Variants in DPH6 observed in about 807,000 individuals in gnomAD.
The protein encoded by DPH6 is diphthine--ammonia ligase.
DPH6 carries 33 observed loss-of-function variants against 38.2 expected under a neutral mutation model. That is an observed-to-expected ratio of 0.86 (90% CI 0.65 to 1.15). The LOEUF (loss-of-function observed/expected upper bound fraction) is 1.15, where lower values mean the gene tolerates loss of function less well. Among genes scored for constraint, DPH6 ranks in the 50% most tolerant of loss-of-function variants. The pLI is 0.00. For synonymous variants in DPH6, 108 were observed against 103.0 expected (o/e 1.05, Z -0.30); for missense variants, 325 against 320.0 (o/e 1.02, Z -0.12).
At chr15:35,292,356 G>T (rs2051985678) in intron 3 of DPH6, among the ~76,000 whole-genome samples, 1 of 152,074 alleles carries the variant, frequency 6.6e-6, no homozygotes, top group African/African-American at 2.4e-5. Context: ...GGATTCAGTA[G>T]ATCAATGATC....
At chr15:35,247,824 TAAG>T (rs934556186) in intron 3 of DPH6, among the ~76,000 whole-genome samples, 1 of 152,114 alleles carries the variant, frequency 6.6e-6, no homozygotes, top group Non-Finnish European at 1.5e-5. Flanking sequence ...ACCGTCAAAA[TAAG>T]AAAGAAAAAT....
chr15:35,231,865 T>A (rs2051520389), intron 3 of DPH6, among the ~76,000 whole-genome samples: 1 of 152,010 alleles, frequency 6.6e-6, no homozygotes, highest in Non-Finnish European at 1.5e-5. Context: ...AACAATTCAA[T>A]CTCATGATCT....
At chr15:35,463,306 T>C (rs922244029) in intron 3 of DPH6, among the ~76,000 whole-genome samples, 1 of 152,160 alleles carries the variant, frequency 6.6e-6, no homozygotes, top group Admixed American at 6.5e-5. Context: ...ATGTTTATTC[T>C]CATAGTCCCA....
chr15:35,397,868 T>TATACACACACACAC (rs752473433), intron 6 of DPH6, among the ~76,000 whole-genome samples: 8 of 87,308 alleles, frequency 9.2e-5, no homozygotes, highest in Middle Eastern at 6.0e-3. Flanking sequence ...TTTATATATA[T>TATACACACACACAC]ACACACACAC....
chr15:35,478,582 T>C (rs1353397716), intron 3 of DPH6, among the ~76,000 whole-genome samples: 2 of 152,106 alleles, frequency 1.3e-5, no homozygotes, highest in East Asian at 3.9e-4. Context: ...ATGAATTCAA[T>C]ATCATTAATC....
At chr15:35,259,840 T>C (rs1008451374) in intron 3 of DPH6, among the ~76,000 whole-genome samples, 1 of 152,212 alleles carries the variant, frequency 6.6e-6, no homozygotes, top group Non-Finnish European at 1.5e-5. Flanking sequence ...CCGTAATATG[T>C]TGAACACGAC....
Position 35,381,928 on chromosome 15 carries a change from A to C in DPH6, c.568-12T>G. ...TACTTCTTAGAAAGCTGAAAATAGG[A>C]AAACACAAAAAACAAGAAAGAAGTT... On this transcript the variant is annotated splice_polypyrimidine_tract_variant and intron_variant, in intron 6 of 8. Coordinates refer to ENST00000256538, the MANE Select transcript of DPH6 (RefSeq NM_080650.4). 1 of 1,582,108 alleles carries C rather than the reference A, an allele frequency of 6.3e-7. No individual in the cohort carries two copies. The highest frequency in any genetic ancestry group is 8.7e-7 in the Non-Finnish European group (1 of 1,155,938).
the DPH6 span, among the ~76,000 whole-genome samples, chr15:35,184,326 G>T: frequency 6.6e-6 from 1 of 152,124 alleles, no homozygotes; most frequent in African/African-American, 2.4e-5. Context: ...GAAAGAAAAA[G>T]AAACTCCTTA....
chr15:35,234,923 A>C (rs1296861000), intron 3 of DPH6, among the ~76,000 whole-genome samples: 2 of 152,242 alleles, frequency 1.3e-5, no homozygotes, highest in Non-Finnish European at 2.9e-5. Flanking sequence ...TAGAATTGAG[A>C]GATAAAATGT....
chr15:35,534,442 A>T (rs778171254), intron 3 of DPH6, among the ~76,000 whole-genome samples: 5 of 151,990 alleles, frequency 3.3e-5, no homozygotes, highest in Non-Finnish European at 7.4e-5. Flanking sequence ...AATGTTTAAA[A>T]TCTCTGTATT....
intron 5 of DPH6, among the ~76,000 whole-genome samples, chr15:35,438,092 A>C (rs1189964123): frequency 2.6e-5 from 4 of 152,236 alleles, no homozygotes; most frequent in Admixed American, 1.3e-4. Context: ...GCGCTGAGCT[A>C]AATTAAAAAT....
chr15:35,430,642 A>C (rs1269705049), intron 5 of DPH6, among the ~76,000 whole-genome samples: 1 of 152,162 alleles, frequency 6.6e-6, no homozygotes, highest in East Asian at 1.9e-4. Flanking sequence ...GGCTTTGTGC[A>C]ATAACCATTA....
chr15:35,493,941 T>C (rs1031378388), intron 3 of DPH6, among the ~76,000 whole-genome samples: 5 of 152,172 alleles, frequency 3.3e-5, no homozygotes, highest in African/African-American at 1.2e-4. Context: ...TAAAGACTTA[T>C]ATCCCAGCAC....
intron 3 of DPH6, among the ~76,000 whole-genome samples, chr15:35,343,180 T>C (rs897488363): frequency 1.3e-5 from 2 of 152,226 alleles, no homozygotes; most frequent in African/African-American, 4.8e-5. Context: ...AAATGTAAGA[T>C]ATCTTAACAA....
chr15:35,332,946 T>C (rs1293705950), intron 3 of DPH6, among the ~76,000 whole-genome samples: 1 of 152,088 alleles, frequency 6.6e-6, no homozygotes, highest in Admixed American at 6.6e-5. Context: ...AAGTTTCATT[T>C]CAGTCCTCTT....
At chr15:35,470,456 G>A (rs974293035) in intron 3 of DPH6, among the ~76,000 whole-genome samples, 2 of 152,030 alleles carry the variant, frequency 1.3e-5, no homozygotes, top group East Asian at 1.9e-4. Context: ...TGCTGTTGAC[G>A]GGAACTGAAC....
the DPH6 span, among the ~76,000 whole-genome samples, chr15:35,187,079 C>T: frequency 3.3e-5 from 5 of 152,158 alleles, no homozygotes; most frequent in Admixed American, 6.5e-5. Context: ...TGAAGTAAGA[C>T]CTGGGCTCAA....
chr15:35,373,250 T>A (rs1454935037), intron 8 of DPH6, among the ~76,000 whole-genome samples: 1 of 151,936 alleles, frequency 6.6e-6, no homozygotes, highest in Non-Finnish European at 1.5e-5. Flanking sequence ...GATTTTATAT[T>A]GTCCTCCCAT....
intron 3 of DPH6, among the ~76,000 whole-genome samples, chr15:35,503,524 T>C (rs1160850555): frequency 6.6e-6 from 1 of 152,114 alleles, no homozygotes; most frequent in Non-Finnish European, 1.5e-5. Flanking sequence ...AGCTGTAAGA[T>C]TAACAGTCCT....
Sources: allele counts gnomAD v4.1 joint callset (sites outside exome capture counted in the v4.1 genomes callset), GRCh38; gene constraint gnomAD v4.1.1; transcripts MANE v1.5; gene names NCBI Gene and HGNC (gene_info 2026-07-23, HGNC 2026-07-21).